The following FYB1 variants were observed in gnomAD, a reference collection of about 807,000 sequenced individuals.
FYB1 encodes FYN binding protein 1.
FYB1 carries 41 observed loss-of-function variants against 94.1 expected under a neutral mutation model. That is an observed-to-expected ratio of 0.44 (90% CI 0.34 to 0.57). The LOEUF (loss-of-function observed/expected upper bound fraction) is 0.57, where lower values mean the gene tolerates loss of function less well. Among genes scored for constraint, FYB1 ranks in the 20% least tolerant of loss-of-function variants. The pLI, the probability that FYB1 is intolerant of heterozygous loss-of-function variation, is 0.02. For missense variants in FYB1, 1,050 were observed against 976.8 expected (o/e 1.07, Z -1.00); for synonymous variants, 367 against 353.2 (o/e 1.04, Z -0.44).
chr5:39,182,202 C>T (rs141472055), intron 2 of FYB1, among the ~76,000 whole-genome samples: 1 of 152,216 alleles, frequency 6.6e-6, no homozygotes, highest in Non-Finnish European at 1.5e-5. Flanking sequence ...CAACCTCATT[C>T]ATCTTCTTAT....
chr5:39,200,854 G>A (rs1292961213), intron 2 of FYB1, among the ~76,000 whole-genome samples: 1 of 152,170 alleles, frequency 6.6e-6, no homozygotes, highest in Non-Finnish European at 1.5e-5. Flanking sequence ...GTCACCTGTA[G>A]GCATCTTGTT....
chr5:39,255,072 A>G, intron 1 of FYB1, among the ~76,000 whole-genome samples: 1 of 152,276 alleles, frequency 6.6e-6, no homozygotes, highest in Admixed American at 6.5e-5. Flanking sequence ...ACATTTTCTT[A>G]TATTTTCGGA....
At chr5:39,271,297 A>T (rs534955492) in intron 1 of FYB1, among the ~76,000 whole-genome samples, 1 of 152,192 alleles carries the variant, frequency 6.6e-6, no homozygotes, top group South Asian at 2.1e-4. Flanking sequence ...AATATTTGTT[A>T]GCATCAGATG....
At chr5:39,109,236 G>C (rs1738829086) in intron 17 of FYB1, among the ~76,000 whole-genome samples, 1 of 151,896 alleles carries the variant, frequency 6.6e-6, no homozygotes, top group Non-Finnish European at 1.5e-5. Flanking sequence ...TCTTTTCTCT[G>C]AGATGGAGGG....
At position 39,107,554 on chromosome 5, in the gene FYB1, C is replaced by T. The variant is rs1738644836; in HGVS notation, c.2468-89G>A. On this transcript the variant is annotated intron_variant, in intron 18 of 18. Transcript: ENST00000512982. ...TTTGGAAATGTGGGTGATTCATACT[C>T]TCCTGGTTAAGGATTAAAAAAAATA... is the stretch of plus-strand genomic sequence containing the variant. 5.0e-6 allele frequency: 4 copies of T among 806,198 alleles called. No homozygotes were observed. The South Asian group carries it at 6.8e-5, about 14-fold the overall frequency. The allele number at this position is 806,198 out of a possible 1,614,324, so 49.9% of individuals were successfully genotyped here.
chr5:39,251,248 A>G (rs1322298995), intron 1 of FYB1, among the ~76,000 whole-genome samples: 1 of 152,216 alleles, frequency 6.6e-6, no homozygotes, highest in Non-Finnish European at 1.5e-5. Context: ...AATTTAGACC[A>G]TGAAATTATG....
At chr5:39,121,130 C>T (rs1740052792) in intron 14 of FYB1, among the ~76,000 whole-genome samples, 1 of 137,766 alleles carries the variant, frequency 7.3e-6, no homozygotes, top group South Asian at 2.3e-4. Flanking sequence ...CCAGGTGTGA[C>T]TCTTTGTTCC....
At chr5:39,223,416 T>C (rs974561609), upstream of FYB1, among the ~76,000 whole-genome samples, 5 of 152,244 alleles carry the variant, frequency 3.3e-5, no homozygotes, top group Non-Finnish European at 7.3e-5. Context: ...ACCAGTAATG[T>C]AATATTAAGT....
At chr5:39,130,073 A>T (rs971650746) in intron 10 of FYB1, among the ~76,000 whole-genome samples, 1 of 124,166 alleles carries the variant, frequency 8.1e-6, no homozygotes, top group African/African-American at 3.0e-5. Flanking sequence ...ATTTGGTCAT[A>T]AAAAAAAAAG....
At chr5:39,188,425 G>A (rs1369633366) in intron 2 of FYB1, among the ~76,000 whole-genome samples, 2 of 151,962 alleles carry the variant, frequency 1.3e-5, no homozygotes, top group Non-Finnish European at 2.9e-5. Context: ...AAATATCTAT[G>A]GCTTAGAAAC....
intron 1 of FYB1, chr5:39,270,765 G>A (rs1325595997): frequency 4.3e-6 from 2 of 463,556 alleles, no homozygotes; most frequent in Admixed American, 3.8e-5. Context: ...TGTATAGCTG[G>A]CCAGGTTTAT....
At chr5:39,215,456 G>C (rs1356180705) in intron 1 of FYB1, among the ~76,000 whole-genome samples, 3 of 150,252 alleles carry the variant, frequency 2.0e-5, no homozygotes, top group Non-Finnish European at 4.4e-5. Context: ...GGATCACCCT[G>C]GGGGAAGTTT....
At position 39,106,831 on chromosome 5, in the gene FYB1, A is replaced by G. The variant is rs1279145760; in HGVS notation, c.*612T>C. 1 of 152,102 alleles carries G rather than the reference A, an allele frequency of 6.6e-6. No homozygotes were observed. The highest frequency in any genetic ancestry group is 1.5e-5 in the Non-Finnish European group (1 of 67,954). The allele number at this position is 152,102 out of a possible 1,614,324, so 9.4% of individuals were successfully genotyped here. A position where few individuals can be genotyped will look rare whatever the true frequency, so the allele number is the denominator to read the frequency against. ...TAAATGCATAACATTCGTATCAAAT[A>G]ATTAACATTTATATACAATTAACAA... On this transcript the variant is annotated 3_prime_UTR_variant, in exon 19 of 19. Coordinates refer to ENST00000512982, the MANE Select transcript of FYB1 (RefSeq NM_001465.6).
chr5:39,239,377 T>C (rs1751107433), intron 1 of FYB1, among the ~76,000 whole-genome samples: 1 of 152,186 alleles, frequency 6.6e-6, no homozygotes, highest in Non-Finnish European at 1.5e-5. Context: ...AAACTATCTC[T>C]GTTTGCAGAT....
chr5:39,200,003 T>G (rs1748170710), intron 2 of FYB1, among the ~76,000 whole-genome samples: 1 of 152,008 alleles, frequency 6.6e-6, no homozygotes, highest in Non-Finnish European at 1.5e-5. Flanking sequence ...GTGGAAGAGG[T>G]GAATGAATAG....
In FYB1 at chr5:39,241,869, G is replaced by T. The variant is rs115319069; in HGVS notation, c.-28+32534C>A. Among the ~76,000 whole-genome samples, 988 of 150,720 alleles carry T rather than the reference G, an allele frequency of 6.6e-3. 15 individuals carry two copies. The highest frequency in any genetic ancestry group is 0.023 in the African/African-American group (936 of 41,088). On this transcript the variant is annotated intron_variant, in intron 1 of 1. Coordinates refer to the FYB1 transcript ENST00000510188. ...TCCTGGAGGGCATCTTTTTAATAAA[G>T]ATTTGTTCATAGAATTTGTTATTTA...
chr5:39,130,466 C>A (rs1741091313), intron 10 of FYB1, 124 bp downstream of exon 10: 1 of 744,700 alleles, frequency 1.3e-6, no homozygotes. Context: ...GATGGATAGC[C>A]TAAATACGCT....
intron 1 of FYB1, among the ~76,000 whole-genome samples, chr5:39,255,636 T>A (rs1751907705): frequency 6.6e-6 from 1 of 152,206 alleles, no homozygotes; most frequent in Non-Finnish European, 1.5e-5. Context: ...ATCAGCTGCC[T>A]ACGCAGAGGA....
intron 2 of FYB1, among the ~76,000 whole-genome samples, chr5:39,199,509 T>C (rs192383711): frequency 6.6e-6 from 1 of 152,350 alleles, no homozygotes; most frequent in East Asian, 1.9e-4. Flanking sequence ...GTCACCCATT[T>C]ACTGAAGTAT....
Sources: gnomAD v4.1 joint callset for allele counts (sites outside exome capture counted in the v4.1 genomes callset) on GRCh38, gnomAD v4.1.1 for gene constraint, MANE v1.5 for transcripts, NCBI Gene and HGNC (gene_info 2026-07-23, HGNC 2026-07-21) for gene names.